Variants in HYCC1 observed in about 807,000 individuals in gnomAD.
The protein encoded by HYCC1 is hyccin PI4KA lipid kinase complex subunit 1, also known as hyccin.
the HYCC1 span, among the ~76,000 whole-genome samples, chr7:22,953,391 A>T: frequency 3.3e-5 from 5 of 151,954 alleles, no homozygotes; most frequent in Admixed American, 2.0e-4. Flanking sequence ...CTACAGCAAG[A>T]TTTATGTAAG....
the HYCC1 span, among the ~76,000 whole-genome samples, chr7:22,994,284 T>G: frequency 6.6e-6 from 1 of 152,238 alleles, no homozygotes; most frequent in Non-Finnish European, 1.5e-5. Context: ...AAACTATATC[T>G]GTGTTACAGT....
chr7:22,922,746 A>G, the HYCC1 span, among the ~76,000 whole-genome samples: 114 of 152,344 alleles, frequency 7.5e-4, no homozygotes, highest in African/African-American at 2.6e-3. Flanking sequence ...AACAGCAAAC[A>G]TAAAAAAACT....
chr7:22,995,256 G>A, the HYCC1 span, among the ~76,000 whole-genome samples: 16 of 151,850 alleles, frequency 1.1e-4, no homozygotes, highest in African/African-American at 2.2e-4. Context: ...TCCACCCCAC[G>A]CCCTTGCCCT....
the HYCC1 span, among the ~76,000 whole-genome samples, chr7:23,002,629 G>A: frequency 1.3e-5 from 2 of 152,078 alleles, no homozygotes; most frequent in African/African-American, 4.8e-5. Flanking sequence ...TCTCTTCCAT[G>A]TTTTACCTAG....
the HYCC1 span, among the ~76,000 whole-genome samples, chr7:22,902,020 G>A: frequency 6.6e-6 from 1 of 152,058 alleles, no homozygotes; most frequent in African/African-American, 2.4e-5. Flanking sequence ...CAGACCATAT[G>A]CTGAGCCATA....
chr7:22,936,958 A>G, the HYCC1 span: 1 of 152,222 alleles, frequency 6.6e-6, no homozygotes, highest in Admixed American at 6.5e-5. Flanking sequence ...TCTTTCAAAC[A>G]TGTCCTGTCT....
the HYCC1 span, among the ~76,000 whole-genome samples, chr7:22,922,502 C>A: frequency 2.6e-5 from 4 of 152,208 alleles, no homozygotes; most frequent in African/African-American, 9.7e-5. Flanking sequence ...CCTGGCATCA[C>A]AAGAGAGTAC....
the HYCC1 span, among the ~76,000 whole-genome samples, chr7:22,970,191 C>T: frequency 1.6e-4 from 25 of 152,140 alleles, no homozygotes; most frequent in African/African-American, 5.8e-4. Flanking sequence ...AATAAGTGAT[C>T]ATCTATCAGA....
the HYCC1 span, among the ~76,000 whole-genome samples, chr7:22,949,488 C>T: frequency 1.3e-5 from 2 of 151,932 alleles, no homozygotes; most frequent in South Asian, 2.1e-4. Flanking sequence ...GGCCATTTTA[C>T]AAAAAGCAAA....
the HYCC1 span, among the ~76,000 whole-genome samples, chr7:22,954,883 A>G: frequency 6.6e-6 from 1 of 151,574 alleles, no homozygotes; most frequent in Admixed American, 6.6e-5. Flanking sequence ...CATTGAAAGT[A>G]TCTTGTTTAT....
At chr7:22,941,382 T>C in the HYCC1 span, 5 of 152,174 alleles carry the variant, frequency 3.3e-5, no homozygotes, top group African/African-American at 7.2e-5. Flanking sequence ...TTTATTTCCA[T>C]AGCCTTAAGA....
the HYCC1 span, among the ~76,000 whole-genome samples, chr7:22,921,619 G>C: frequency 2.0e-5 from 3 of 152,096 alleles, no homozygotes; most frequent in Admixed American, 2.0e-4. Context: ...GTATACATAG[G>C]GGATTAGTTC....
the HYCC1 span, among the ~76,000 whole-genome samples, chr7:22,904,962 C>A: frequency 1.3e-5 from 2 of 151,956 alleles, no homozygotes; most frequent in Admixed American, 1.3e-4. Flanking sequence ...CACAAGACTC[C>A]TGGTGAGGGC....
chr7:22,967,727 G>A, the HYCC1 span, among the ~76,000 whole-genome samples: 1 of 152,090 alleles, frequency 6.6e-6, no homozygotes, highest in Non-Finnish European at 1.5e-5. Context: ...GGGTAGGTTT[G>A]GAGTCATATC....
chr7:22,922,927 G>C, the HYCC1 span, among the ~76,000 whole-genome samples: 1 of 152,028 alleles, frequency 6.6e-6, no homozygotes, highest in Non-Finnish European at 1.5e-5. Flanking sequence ...TAAAAAATGA[G>C]AATTGAAAGA....
chr7:22,990,723 A>T, the HYCC1 span, among the ~76,000 whole-genome samples: 3 of 152,326 alleles, frequency 2.0e-5, no homozygotes, highest in Middle Eastern at 3.4e-3. Flanking sequence ...CCCCAGTTCC[A>T]CTGCCCTCCA....
the HYCC1 span, among the ~76,000 whole-genome samples, chr7:23,002,150 A>ATATATATATATACAAC: frequency 2.5e-4 from 7 of 27,488 alleles, no homozygotes; most frequent in Admixed American, 9.5e-4. Context: ...ATATATATAT[A>ATATATATATATACAAC]TATATATATA....
chr7:22,987,798 T>C, the HYCC1 span, among the ~76,000 whole-genome samples: 2 of 152,000 alleles, frequency 1.3e-5, no homozygotes, highest in Non-Finnish European at 2.9e-5. Flanking sequence ...TAAAACCAGC[T>C]TGGGGAGAAT....
chr7:22,945,959 T>C, the HYCC1 span: 4 of 1,613,782 alleles, frequency 2.5e-6, no homozygotes, highest in Non-Finnish European at 3.4e-6. Context: ...TTTGCAAGAT[T>C]CCCCTGTAGT....
Sources: allele counts gnomAD v4.1 joint callset (sites outside exome capture counted in the v4.1 genomes callset), GRCh38; gene constraint gnomAD v4.1.1; transcripts MANE v1.5; gene names NCBI Gene and HGNC (gene_info 2026-07-23, HGNC 2026-07-21).